Variants in SEC22B observed in about 807,000 individuals in gnomAD.
SEC22B encodes the protein vesicle-trafficking protein SEC22b.
A neutral mutation model predicts 31.4 loss-of-function variants in SEC22B; 10 were observed. That is an observed-to-expected ratio of 0.32 (90% CI 0.20 to 0.54). SEC22B has a LOEUF of 0.54. Ranked by LOEUF, SEC22B falls within the 20% of genes least tolerant of loss-of-function variation. SEC22B has a pLI of 0.94. For synonymous variants in SEC22B, 60 were observed against 95.9 expected, an observed-to-expected ratio of 0.63 and a Z score of 2.19; for missense variants, 130 against 263.4, an observed-to-expected ratio of 0.49 and a Z score of 3.50.
intron 2 of SEC22B, 53 bp downstream of exon 2, chr1:120,168,787 T>A: frequency 3.1e-6 from 2 of 635,362 alleles, no homozygotes; most frequent in Non-Finnish European, 4.5e-6. Context: ...TATCAGGCAT[T>A]CTGTTACTGT....
intron 3 of SEC22B, 23 bp from the exon 4 acceptor site, chr1:120,160,553 C>A: frequency 1.3e-6 from 2 of 1,534,742 alleles, no homozygotes; most frequent in Non-Finnish European, 1.8e-6. Context: ...AGAAAACTGA[C>A]CATTTCTTTC....
At position 120,151,723 on chromosome 1, in the gene SEC22B, CAT is replaced by C. The variant is rs1281860270; in HGVS notation, c.*5313_*5314del. 2 of 151,572 alleles carry C rather than the reference CAT, an allele frequency of 1.3e-5. No homozygotes were observed. The highest frequency in any genetic ancestry group is 4.8e-5 in the African/African-American group (2 of 41,292). The allele number at this position is 151,572 out of a possible 1,614,324, so 9.4% of individuals were successfully genotyped here. ...ATGGTAGTACTGACTAAAAGAGGGA[CAT>C]GTGTAACAAAATCAGTAAGGAGGGT... is the stretch of plus-strand genomic sequence containing the variant. On this transcript the variant is annotated 3_prime_UTR_variant, in exon 5 of 5. Transcript: ENST00000578049.
intron 2 of SEC22B, among the ~76,000 whole-genome samples, chr1:120,166,455 AAAG>A (rs1480226668): frequency 6.6e-6 from 1 of 151,092 alleles, no homozygotes; most frequent in Non-Finnish European, 1.5e-5. Context: ...CAGCCATAAA[AAAG>A]AATGAATTTC....
At position 120,151,932 on chromosome 1, in the gene SEC22B, G is replaced by C. The variant is rs1553228798; in HGVS notation, c.*5106C>G. The C allele has an allele frequency of 6.6e-6, 1 of 152,188 alleles. No homozygotes were observed. The highest frequency in any genetic ancestry group is 2.4e-5 in the African/African-American group (1 of 41,508). 9.4% of individuals were successfully genotyped at this position (152,188 alleles called of 1,614,324 possible). A position where few individuals can be genotyped will look rare whatever the true frequency, so the allele number is the denominator to read the frequency against. ...GCGTGACTTGTAGCTCAGGTAAAGGGGTGGCAGGTGACGCTTAAATACTAG... is the reference window on the plus strand; with the variant it reads ...GCGTGACTTGTAGCTCAGGTAAAGGCGTGGCAGGTGACGCTTAAATACTAG... On this transcript the variant is annotated 3_prime_UTR_variant, in exon 5 of 5. Coordinates refer to ENST00000578049, the MANE Select transcript of SEC22B (RefSeq NM_004892.6).
At chr1:120,164,710 G>T (rs1167734819) in intron 2 of SEC22B, among the ~76,000 whole-genome samples, 1 of 152,314 alleles carries the variant, frequency 6.6e-6, no homozygotes, top group South Asian at 2.1e-4. Context: ...ATTGTGAATA[G>T]TGCTGCAATG....
At chr1:120,170,064 G>A (rs1196548038) in intron 1 of SEC22B, among the ~76,000 whole-genome samples, 3 of 146,206 alleles carry the variant, frequency 2.1e-5, no homozygotes, top group Non-Finnish European at 4.5e-5. Context: ...TATGAACCAG[G>A]AATAGGCCCT....
intron 2 of SEC22B, among the ~76,000 whole-genome samples, chr1:120,166,859 C>CA (rs1346311701): frequency 2.3e-5 from 3 of 131,242 alleles, no homozygotes; most frequent in African/African-American, 3.6e-5. Context: ...TTTGATTACA[C>CA]ATTGTATACA....
At chr1:120,159,041 C>T (rs1326119942) in intron 4 of SEC22B, 2 of 151,996 alleles carry the variant, frequency 1.3e-5, no homozygotes, top group African/African-American at 4.8e-5. Flanking sequence ...AAAGAGCTTA[C>T]ATGTCCACAT....
intron 1 of SEC22B, among the ~76,000 whole-genome samples, chr1:120,170,911 C>G (rs1170401404): frequency 5.3e-5 from 7 of 131,324 alleles, no homozygotes; most frequent in Non-Finnish European, 9.0e-5. Flanking sequence ...TCTGAACCCA[C>G]AAGAGTAGAT....
chr1:120,165,048 T>A (rs1455544839), intron 2 of SEC22B, among the ~76,000 whole-genome samples: 1 of 152,170 alleles, frequency 6.6e-6, no homozygotes. Flanking sequence ...GCCTCTAGTA[T>A]GTTTTGAGAA....
rs1657750184 is a variant in SEC22B at position 120,163,357 on chromosome 1, G to A, written c.199C>T (p.Gln67Ter). 6.3e-7 allele frequency: 1 copy of A among 1,595,026 alleles called. No homozygotes were observed. The highest frequency in any genetic ancestry group is 1.4e-5 in the African/African-American group (1 of 71,958). The change falls in exon 3 of 5, where the codon CAG (glutamine) becomes TAG (stop). Residue 67 changes from glutamine (Q) to a stop codon, truncating the protein, a stop_gained. Transcript: ENST00000578049. LOFTEE classifies it high-confidence loss of function. ...CATAAAACCAAATAACACACCCCCT[G>A]CTCAATAATGTAGCTGGTGAGACAT... ...GAMTFHYIIE[Q>*]GVCYLVLCEA...
At chr1:120,166,135 T>C (rs1398355088) in intron 2 of SEC22B, among the ~76,000 whole-genome samples, 1 of 147,546 alleles carries the variant, frequency 6.8e-6, no homozygotes, top group African/African-American at 2.7e-5. Flanking sequence ...CAAAAGTCAA[T>C]AAATGCTGTT....
intron 1 of SEC22B, among the ~76,000 whole-genome samples, chr1:120,170,882 C>T (rs1657885440): frequency 7.2e-6 from 1 of 138,610 alleles, no homozygotes; most frequent in Admixed American, 6.8e-5. Flanking sequence ...TTTGTTTCCC[C>T]AGTGCCATTC....
In SEC22B at chr1:120,155,744, T is replaced by C. The variant is rs1657619664; in HGVS notation, c.*1294A>G. 1 of 152,082 alleles carries C rather than the reference T, an allele frequency of 6.6e-6. No individual in the cohort carries two copies. The highest frequency in any genetic ancestry group is 1.5e-5 in the Non-Finnish European group (1 of 67,956). 9.4% of individuals were successfully genotyped at this position (152,082 alleles called of 1,614,324 possible). A position where few individuals can be genotyped will look rare whatever the true frequency, so the allele number is the denominator to read the frequency against. On this transcript the variant is annotated 3_prime_UTR_variant, in exon 5 of 5. Transcript: ENST00000578049. ...GTTATATTGCAGACCCTGGCAATAATATTTAAAAGGCCTATTTTCCCCATT... is the reference window on the plus strand; with the variant it reads ...GTTATATTGCAGACCCTGGCAATAACATTTAAAAGGCCTATTTTCCCCATT...
chr1:120,158,291 CA>C lies in SEC22B; in HGVS notation c.494-1100del, dbSNP rs1452533326. ...CACATGAGTAAGAAAAACATCTAGT[CA>C]CGGAAGAAGAGTCAGGGACTGAGAA... On this transcript the variant is annotated intron_variant, in intron 4 of 4. Transcript: ENST00000578049. 1.0e-4 allele frequency: 13 copies of C among 129,450 alleles called. 2 individuals are homozygous for C. The highest frequency in any genetic ancestry group is 5.6e-4 in the African/African-American group (13 of 23,134). 8.0% of individuals were successfully genotyped at this position (129,450 alleles called of 1,614,324 possible). A position where few individuals can be genotyped will look rare whatever the true frequency, so the allele number is the denominator to read the frequency against.
chr1:120,168,276 T>G (rs1392971981), intron 2 of SEC22B, among the ~76,000 whole-genome samples: 1 of 151,576 alleles, frequency 6.6e-6, no homozygotes, highest in Non-Finnish European at 1.5e-5. Flanking sequence ...TAAAATCCAA[T>G]AATGTTCCTT....
rs1657635122 is a variant in SEC22B, at chr1:120,156,810, T to C, written c.*228A>G. On this transcript the variant is annotated 3_prime_UTR_variant, in exon 5 of 5. Coordinates refer to ENST00000578049, the MANE Select transcript of SEC22B (RefSeq NM_004892.6). ...TCTACTATTCCCTAATATATATGGC[T>C]TGGCACCCAGAGAAAGCCTCTGCCC... 8.4e-6 allele frequency: 3 copies of C among 359,108 alleles called. No individual in the cohort carries two copies. The highest frequency in any genetic ancestry group is 1.5e-5 in the Non-Finnish European group (3 of 200,888). 22.2% of individuals were successfully genotyped at this position (359,108 alleles called of 1,614,324 possible). A position where few individuals can be genotyped will look rare whatever the true frequency, so the allele number is the denominator to read the frequency against.
At position 120,156,597 on chromosome 1, in the gene SEC22B, T is replaced by G; in HGVS notation, c.*441A>C. 8.1e-6 allele frequency: 1 copy of G among 124,082 alleles called. No homozygotes were observed. The highest frequency in any genetic ancestry group is 8.6e-5 in the Admixed American group (1 of 11,662). The allele number at this position is 124,082 out of a possible 1,614,324, so 7.7% of individuals were successfully genotyped here. A position where few individuals can be genotyped will look rare whatever the true frequency, so the allele number is the denominator to read the frequency against. On this transcript the variant is annotated 3_prime_UTR_variant, in exon 5 of 5. Transcript: ENST00000578049. ...TGTCACCAACAAAAGGAATGTTGAT[T>G]AGAGTCAAAAAAAAAAAAAAAAAAA...
chr1:120,151,214 A>C lies in SEC22B; in HGVS notation c.*5824T>G, dbSNP rs1553228655. 1 of 152,082 alleles carries C rather than the reference A, an allele frequency of 6.6e-6. No homozygotes were observed. Among genetic ancestry groups the C allele is most frequent in the Non-Finnish European group, 1.5e-5 (1 of 68,010 alleles). 9.4% of individuals were successfully genotyped at this position (152,082 alleles called of 1,614,324 possible). ...CAGAGTGAGCCAAGGCACAAGGTAA[A>C]ATGTTTGACTGGTTAGAGACGCTAG... is the stretch of plus-strand genomic sequence containing the variant. On this transcript the variant is annotated 3_prime_UTR_variant, in exon 5 of 5. Coordinates refer to ENST00000578049, the MANE Select transcript of SEC22B (RefSeq NM_004892.6).
Sources: allele counts gnomAD v4.1 joint callset (sites outside exome capture counted in the v4.1 genomes callset), GRCh38; gene constraint gnomAD v4.1.1; transcripts MANE v1.5; gene names NCBI Gene and HGNC (gene_info 2026-07-23, HGNC 2026-07-21).